Variants in CPLX1 observed in about 807,000 individuals in gnomAD.
CPLX1 encodes the protein complexin-1.
A neutral mutation model predicts 15.6 loss-of-function variants in CPLX1; 6 were observed. That is an observed-to-expected ratio of 0.39 (90% confidence interval 0.21 to 0.76). The LOEUF (loss-of-function observed/expected upper bound fraction) is 0.76. Ranked by LOEUF, CPLX1 falls within the 30% of genes least tolerant of loss-of-function variation. CPLX1 has a pLI of 0.43. For synonymous variants in CPLX1, 91 were observed against 75.2 expected (o/e 1.21, Z -1.08); for missense variants, 242 against 188.6 (o/e 1.28, Z -1.66).
At chr4:810,487 G>T (rs1746647716) in intron 2 of CPLX1, among the ~76,000 whole-genome samples, 1 of 152,160 alleles carries the variant, frequency 6.6e-6, no homozygotes. Flanking sequence ...GCTCCCACTG[G>T]AGAGCATGAG....
intron 2 of CPLX1, among the ~76,000 whole-genome samples, chr4:794,999 A>T (rs1222857979): frequency 6.6e-6 from 1 of 152,218 alleles, no homozygotes; most frequent in Non-Finnish European, 1.5e-5. Flanking sequence ...GGGCTGGTCC[A>T]GGCGCCAAAG....
At chr4:803,824 C>T (rs1746505780) in intron 2 of CPLX1, among the ~76,000 whole-genome samples, 1 of 152,224 alleles carries the variant, frequency 6.6e-6, no homozygotes, top group African/African-American at 2.4e-5. Flanking sequence ...CGTGTGCCAC[C>T]ACGCCTGGCT....
intron 2 of CPLX1, among the ~76,000 whole-genome samples, chr4:807,752 G>A (rs995129024): frequency 7.2e-5 from 11 of 152,108 alleles, no homozygotes; most frequent in African/African-American, 2.7e-4. Context: ...CCAAAGTACT[G>A]AAATTACAGG....
chr4:819,842 G>A (rs544501765), intron 2 of CPLX1, among the ~76,000 whole-genome samples: 26 of 152,334 alleles, frequency 1.7e-4, no homozygotes, highest in African/African-American at 6.3e-4. Flanking sequence ...ATGCAATGCT[G>A]GAGCAGCAGC....
chr4:825,684 C>T (rs1380811281), intron 1 of CPLX1, among the ~76,000 whole-genome samples: 1 of 144,390 alleles, frequency 6.9e-6, no homozygotes, highest in Non-Finnish European at 1.5e-5. Flanking sequence ...GCCGGGACCG[C>T]GGGGGCCGCT....
intron 3 of CPLX1, 93 bp downstream of exon 3, chr4:792,340 C>T (rs1408431200): frequency 3.1e-5 from 39 of 1,247,258 alleles, no homozygotes; most frequent in Non-Finnish European, 3.7e-5. Context: ...ACGCCCGCCC[C>T]TCTTCCGGGC....
chr4:825,469 C>T (rs1390523693), intron 1 of CPLX1, among the ~76,000 whole-genome samples: 1 of 151,884 alleles, frequency 6.6e-6, no homozygotes, highest in Non-Finnish European at 1.5e-5. Context: ...AAACTTCTCC[C>T]CTGGCTCCCG....
chr4:788,232 C>A (rs978197985), intron 3 of CPLX1: 7 of 985,100 alleles, frequency 7.1e-6, no homozygotes, highest in African/African-American at 7.0e-5. Flanking sequence ...TCCAAGGAGG[C>A]CCCTCCTTCC....
chr4:794,403 A>G lies in CPLX1; in HGVS notation c.32-1795T>C, dbSNP rs567782307. Among the ~76,000 whole-genome samples, 7 of 152,362 alleles carry G rather than the reference A, an allele frequency of 4.6e-5. No homozygotes were observed. The South Asian group carries it at 1.4e-3, about 32-fold the overall frequency. ...ATGCTAGGCACTTGGCTGATAGCAC[A>G]GATCTGGACTCCTCAACAGAAAGCT... On this transcript the variant is annotated intron_variant, in intron 2 of 3. Coordinates refer to ENST00000304062, the MANE Select transcript of CPLX1 (RefSeq NM_006651.4).
intron 2 of CPLX1, among the ~76,000 whole-genome samples, chr4:800,564 A>ATGTG (rs35182041): frequency 0.22 from 31,351 of 142,622 alleles, 4,120 homozygotes; most frequent in Non-Finnish European, 0.29. Context: ...ATATAAATAT[A>ATGTG]TGTGTGTGTG....
chr4:813,124 G>A (rs1231157147), intron 2 of CPLX1, among the ~76,000 whole-genome samples: 5 of 152,062 alleles, frequency 3.3e-5, no homozygotes, highest in Non-Finnish European at 7.4e-5. Context: ...AATTAGCTGG[G>A]TGTGGTGGCA....
chr4:796,515 C>A (rs1487788960), intron 2 of CPLX1, among the ~76,000 whole-genome samples: 1 of 152,200 alleles, frequency 6.6e-6, no homozygotes, highest in Admixed American at 6.5e-5. Flanking sequence ...GAACTCCTGA[C>A]TGCCTGATCC....
intron 3 of CPLX1, chr4:788,621 T>C (rs970352692): frequency 4.1e-6 from 4 of 983,754 alleles, no homozygotes; most frequent in African/African-American, 1.7e-5. Flanking sequence ...CAAGAGCAGA[T>C]TGGTTCTCGT....
chr4:789,442 A>C (rs3775141), intron 3 of CPLX1, among the ~76,000 whole-genome samples: 82,987 of 152,118 alleles, frequency 0.55, 23,102 homozygotes, highest in Middle Eastern at 0.61. Context: ...AACAATAGGA[A>C]TGATAGGACC....
intron 3 of CPLX1, chr4:787,723 G>C: frequency 1.0e-6 from 1 of 984,632 alleles, no homozygotes; most frequent in Non-Finnish European, 1.2e-6. Flanking sequence ...CTAAGTTTTT[G>C]TCAGGCCCCG....
At chr4:791,709 C>A (rs1746180441) in intron 3 of CPLX1, among the ~76,000 whole-genome samples, 1 of 152,222 alleles carries the variant, frequency 6.6e-6, no homozygotes, top group Non-Finnish European at 1.5e-5. Flanking sequence ...GCCTGCTGGG[C>A]CTGCTGCGGC....
At chr4:810,529 C>T (rs1746648543) in intron 2 of CPLX1, among the ~76,000 whole-genome samples, 1 of 152,242 alleles carries the variant, frequency 6.6e-6, no homozygotes, top group South Asian at 2.1e-4. Context: ...GTGAGTGGCT[C>T]TGTTGACTCT....
At chr4:822,285 TTGTC>T (rs34795076) in intron 2 of CPLX1, among the ~76,000 whole-genome samples, 55,042 of 150,568 alleles carry the variant, frequency 0.37, 10,361 homozygotes, top group African/African-American at 0.46. Flanking sequence ...CCCTCTTCCT[TTGTC>T]TGTCTGTCTC....
At chr4:802,898 C>A (rs144868623) in intron 2 of CPLX1, among the ~76,000 whole-genome samples, 1 of 151,528 alleles carries the variant, frequency 6.6e-6, no homozygotes. Flanking sequence ...TTGCGGTGAG[C>A]CGAGACTGCG....
Sources: gnomAD v4.1 joint callset for allele counts (sites outside exome capture counted in the v4.1 genomes callset) on GRCh38, gnomAD v4.1.1 for gene constraint, MANE v1.5 for transcripts, NCBI Gene and HGNC (gene_info 2026-07-23, HGNC 2026-07-21) for gene names.